Variants in PREX2 observed in about 807,000 individuals in gnomAD.
The protein encoded by PREX2 is phosphatidylinositol 3,4,5-trisphosphate-dependent Rac exchanger 2 protein.
In PREX2, 107 loss-of-function variants were observed where a neutral mutation model predicts 203.2. That is an observed-to-expected ratio of 0.53 (90% CI 0.45 to 0.62). The LOEUF (loss-of-function observed/expected upper bound fraction) is 0.62, where lower values mean the gene tolerates loss of function less well. PREX2 is among the 20% of genes least tolerant of loss of function. The pLI, the probability that PREX2 is intolerant of heterozygous loss-of-function variation, is 0.00. For synonymous variants in PREX2, 672 were observed against 663.6 expected, an observed-to-expected ratio of 1.01 and a Z score of -0.19; for missense variants, 1,777 against 1,955.9, an observed-to-expected ratio of 0.91 and a Z score of 1.72.
intron 35 of PREX2, among the ~76,000 whole-genome samples, chr8:68,182,708 A>G (rs1812108605): frequency 1.3e-5 from 2 of 152,004 alleles, no homozygotes; most frequent in South Asian, 4.2e-4. Context: ...AAGAAGTATT[A>G]GGTACATGCC....
chr8:68,105,140 T>C (rs1287171456), intron 23 of PREX2: 2 of 1,367,580 alleles, frequency 1.5e-6, no homozygotes, highest in East Asian at 9.1e-5. Flanking sequence ...TATTTTAGGT[T>C]CAAGCTTCAG....
At chr8:68,048,200 G>A (rs892696679) in intron 8 of PREX2, among the ~76,000 whole-genome samples, 5 of 152,008 alleles carry the variant, frequency 3.3e-5, no homozygotes, top group Non-Finnish European at 7.4e-5. Flanking sequence ...CTACTAGTTT[G>A]ATCATGATGC....
intron 12 of PREX2, 91 bp from the exon 13 acceptor site, chr8:68,069,744 T>G (rs6990381): frequency 1.6e-6 from 1 of 618,774 alleles, no homozygotes; most frequent in Non-Finnish European, 2.9e-6. Flanking sequence ...TTCTAAAATA[T>G]TGACAGTGAA....
intron 35 of PREX2, among the ~76,000 whole-genome samples, chr8:68,168,934 ACT>A (rs2129614170): frequency 6.6e-6 from 1 of 151,608 alleles, no homozygotes; most frequent in East Asian, 1.9e-4. Context: ...CTTACAACAA[ACT>A]CTTTATCATT....
chr8:68,086,657 G>A (rs7004943), intron 18 of PREX2, among the ~76,000 whole-genome samples: 34,744 of 151,910 alleles, frequency 0.23, 4,382 homozygotes, highest in African/African-American at 0.34. Context: ...GCTTTCTTCA[G>A]TGGAGTATCT....
At chr8:68,035,172 A>G (rs1807994068) in intron 6 of PREX2, among the ~76,000 whole-genome samples, 1 of 152,180 alleles carries the variant, frequency 6.6e-6, no homozygotes, top group Non-Finnish European at 1.5e-5. Flanking sequence ...CAAACATTTT[A>G]TGATAAGACA....
At chr8:68,121,145 G>C (rs1180476957) in intron 30 of PREX2, 96 bp downstream of exon 30, 1 of 1,272,438 alleles carries the variant, frequency 7.9e-7, no homozygotes, top group African/African-American at 1.5e-5. Context: ...ATTATTTTTT[G>C]CAGTGTTTCC....
intron 31 of PREX2, among the ~76,000 whole-genome samples, chr8:68,129,663 T>C (rs1027594494): frequency 6.6e-6 from 1 of 152,172 alleles, no homozygotes; most frequent in African/African-American, 2.4e-5. Context: ...TTAGACCAGC[T>C]AGCTAATTAC....
At chr8:68,216,498 A>C (rs1812840409) in intron 37 of PREX2, among the ~76,000 whole-genome samples, 1 of 152,086 alleles carries the variant, frequency 6.6e-6, no homozygotes, top group Non-Finnish European at 1.5e-5. Flanking sequence ...TAAAATTGAC[A>C]ATTTTTATGA....
intron 35 of PREX2, among the ~76,000 whole-genome samples, chr8:68,169,603 T>A (rs1811834474): frequency 6.6e-6 from 1 of 152,174 alleles, no homozygotes; most frequent in Non-Finnish European, 1.5e-5. Context: ...GAATTCCATA[T>A]TATTATTTCC....
intron 3 of PREX2, 85 bp downstream of exon 3, chr8:68,019,756 C>A: frequency 1.5e-6 from 2 of 1,316,856 alleles, no homozygotes; most frequent in African/African-American, 2.9e-5. Flanking sequence ...TGTGTGAATT[C>A]AGTATTAGAA....
At chr8:68,088,123 ATTTC>A (rs1336152986) in intron 19 of PREX2, among the ~76,000 whole-genome samples, 2 of 152,168 alleles carry the variant, frequency 1.3e-5, no homozygotes, top group African/African-American at 4.8e-5. Context: ...AAGTAATTGT[ATTTC>A]TTTGTCAGTA....
At chr8:68,227,447 TG>T (rs1813076282) in intron 39 of PREX2, among the ~76,000 whole-genome samples, 1 of 152,122 alleles carries the variant, frequency 6.6e-6, no homozygotes, top group South Asian at 2.1e-4. Flanking sequence ...TTGGTAGTAC[TG>T]AGATTGAGCA....
chr8:68,120,848 G>T, intron 29 of PREX2, 73 bp from the exon 30 acceptor site: 1 of 1,313,768 alleles, frequency 7.6e-7, no homozygotes, highest in South Asian at 1.4e-5. Context: ...GACAGAAGAA[G>T]GTTTTGAAGC....
chr8:68,017,448 A>G (rs1219083306), intron 1 of PREX2, among the ~76,000 whole-genome samples: 3 of 152,108 alleles, frequency 2.0e-5, no homozygotes, highest in South Asian at 2.1e-4. Context: ...ATCTATCTCT[A>G]ATTTCGAAGA....
chr8:67,954,284 G>A (rs1805432242), intron 1 of PREX2, among the ~76,000 whole-genome samples: 1 of 152,104 alleles, frequency 6.6e-6, no homozygotes, highest in African/African-American at 2.4e-5. Flanking sequence ...ATTTGTGCCT[G>A]TTTATGTTTA....
chr8:68,148,696 T>A (rs556988933), intron 34 of PREX2, among the ~76,000 whole-genome samples: 5 of 152,390 alleles, frequency 3.3e-5, no homozygotes, highest in African/African-American at 1.2e-4. Flanking sequence ...GGTTTTGGTA[T>A]GCTCACAGCA....
chr8:67,987,912 AGTGT>A (rs71253049), intron 1 of PREX2, among the ~76,000 whole-genome samples: 5,123 of 150,860 alleles, frequency 0.034, 247 homozygotes, highest in African/African-American at 0.11. Flanking sequence ...GCAGCCAGGG[AGTGT>A]GTGTGTGTGT....
rs1357030180 is a variant in PREX2, at chr8:68,080,560, A to G, written c.1760A>G (p.Glu587Gly). The G allele has an allele frequency of 1.2e-6, 2 of 1,606,930 alleles. No individual in the cohort carries two copies. The highest frequency in any genetic ancestry group is 2.7e-5 in the African/African-American group (2 of 74,734). Reference protein sequence around the residue: ...RLMKHDLKVVENVIAKSLLIK... With the variant: ...RLMKHDLKVVGNVIAKSLLIK... ...ATGAAACATGACTTAAAAGTTGTGGAAAATGTTATAGCTAAGTCATTATTG... is the reference window on the plus strand; with the variant it reads ...ATGAAACATGACTTAAAAGTTGTGGGAAATGTTATAGCTAAGTCATTATTG... Residue 587 changes from glutamate to glycine, a missense_variant, in exon 16 of 40, where the codon GAA becomes GGA. Glu to Gly is a moderately conservative substitution (Grantham distance 98). Transcript: ENST00000288368.
Sources: allele counts gnomAD v4.1 joint callset (sites outside exome capture counted in the v4.1 genomes callset), GRCh38; gene constraint gnomAD v4.1.1; transcripts MANE v1.5; gene names NCBI Gene and HGNC (gene_info 2026-07-23, HGNC 2026-07-21).